Variants in SLC18B1 observed in about 807,000 individuals in gnomAD.
SLC18B1 encodes MFS-type transporter SLC18B1.
Under a neutral mutation model 53.9 loss-of-function variants are expected in SLC18B1, and 62 were observed. That is an observed-to-expected ratio of 1.15 (90% CI 0.94 to 1.42). The LOEUF is 1.42. Among genes scored for constraint, SLC18B1 ranks in the 40% most tolerant of loss-of-function variants. The pLI, the probability that SLC18B1 is intolerant of heterozygous loss-of-function variation, is 0.00. For missense variants in SLC18B1, 598 were observed against 547.3 expected (o/e 1.09, Z -0.93); for synonymous variants, 217 against 200.9 (o/e 1.08, Z -0.68).
chr6:132,792,920 A>C (rs974512479), intron 2 of SLC18B1, among the ~76,000 whole-genome samples: 1 of 152,180 alleles, frequency 6.6e-6, no homozygotes, highest in African/African-American at 2.4e-5. Context: ...GGAGTTCGAG[A>C]CCAGCCTGGC....
chr6:132,780,697 G>A (rs1255666568), intron 6 of SLC18B1, among the ~76,000 whole-genome samples: 1 of 151,126 alleles, frequency 6.6e-6, no homozygotes, highest in Non-Finnish European at 1.5e-5. Context: ...GAGTAGCTGG[G>A]ATTACAGGCA....
intron 5 of SLC18B1, 122 bp downstream of exon 5, chr6:132,787,312 A>T (rs1405538398): frequency 3.1e-6 from 3 of 959,670 alleles, no homozygotes; most frequent in Non-Finnish European, 4.3e-6. Context: ...GGTGAAAGGC[A>T]ACAATAATAC....
intron 6 of SLC18B1, among the ~76,000 whole-genome samples, chr6:132,782,253 T>C (rs1781258031): frequency 6.6e-6 from 1 of 151,780 alleles, no homozygotes; most frequent in Non-Finnish European, 1.5e-5. Context: ...TCACATTTCA[T>C]GGATTTATGA....
chr6:132,771,704 C>T (rs1780978262), intron 11 of SLC18B1, among the ~76,000 whole-genome samples: 1 of 152,202 alleles, frequency 6.6e-6, no homozygotes, highest in Non-Finnish European at 1.5e-5. Flanking sequence ...AACTGTTTGT[C>T]TTTGAGAAAC....
rs1455123558 is a variant in SLC18B1 at position 132,798,504 on chromosome 6, T to G, written c.-48A>C. 2.1e-6 allele frequency: 3 copies of G among 1,428,994 alleles called. No homozygotes were observed. Among genetic ancestry groups the G allele is most frequent in the African/African-American group, 2.9e-5 (2 of 68,164 alleles). 88.5% of individuals were successfully genotyped at this position (1,428,994 alleles called of 1,614,324 possible). Reference sequence around the variant, plus strand: ...CCCCAGCTCCCGGCTTCAAGCCACGTCCTTGGACTCGACCTCCAAGGAGCC... The same window carrying G: ...CCCCAGCTCCCGGCTTCAAGCCACGGCCTTGGACTCGACCTCCAAGGAGCC... On this transcript the variant is annotated 5_prime_UTR_variant, in exon 1 of 14. Coordinates refer to ENST00000275227, the MANE Select transcript of SLC18B1 (RefSeq NM_052831.3).
intron 2 of SLC18B1, among the ~76,000 whole-genome samples, chr6:132,791,228 A>C (rs750559697): frequency 5.9e-5 from 9 of 152,220 alleles, no homozygotes; most frequent in Non-Finnish European, 1.3e-4. Context: ...TTGTACCAGC[A>C]GTGAATATTT....
chr6:132,782,601 A>C (rs1192318000), intron 6 of SLC18B1, among the ~76,000 whole-genome samples: 2 of 152,102 alleles, frequency 1.3e-5, no homozygotes, highest in African/African-American at 4.8e-5. Flanking sequence ...CTTGGTGAGC[A>C]GATATAATGA....
Position 132,769,539 on chromosome 6 carries a change from T to C in SLC18B1, c.*731A>G. On this transcript the variant is annotated 3_prime_UTR_variant, in exon 14 of 14. Transcript: ENST00000275227. Reference sequence around the variant, plus strand: ...TAGATAAAAACAAAAACAAAACAGATGGTAGAGCCAAAAAACAGAGACATT... The same window carrying C: ...TAGATAAAAACAAAAACAAAACAGACGGTAGAGCCAAAAAACAGAGACATT... The C allele has an allele frequency of 6.6e-6, 1 of 152,036 alleles. No homozygotes were observed. Among genetic ancestry groups the C allele is most frequent in the East Asian group, 1.9e-4 (1 of 5,188 alleles). 9.4% of individuals were successfully genotyped at this position (152,036 alleles called of 1,614,324 possible).
intron 13 of SLC18B1, among the ~76,000 whole-genome samples, 184 bp downstream of exon 13, chr6:132,770,706 A>T (rs1045970275): frequency 1.3e-5 from 2 of 152,220 alleles, no homozygotes; most frequent in Non-Finnish European, 2.9e-5. Flanking sequence ...ACTGCATGCC[A>T]GTCTGGGTGA....
At chr6:132,792,261 A>AGAGAGAGAGAGAGAGAG (rs1562271322) in intron 2 of SLC18B1, among the ~76,000 whole-genome samples, 3 of 40,436 alleles carry the variant, frequency 7.4e-5, no homozygotes, top group Non-Finnish European at 9.2e-5. Context: ...GAAAGAAAGA[A>AGAGAGAGAGAGAGAGAG]AGAAAGAAAG....
chr6:132,790,102 TC>T, intron 3 of SLC18B1, 74 bp downstream of exon 3: 1 of 1,110,076 alleles, frequency 9.0e-7, no homozygotes, highest in South Asian at 1.5e-5. Context: ...CAATGCAAAT[TC>T]TAGACTAGTA....
At chr6:132,796,680 T>G (rs1781698970) in intron 2 of SLC18B1, among the ~76,000 whole-genome samples, 1 of 152,162 alleles carries the variant, frequency 6.6e-6, no homozygotes, top group South Asian at 2.1e-4. Context: ...AGTGCACTCC[T>G]TTGTTTCAGT....
chr6:132,791,414 A>C (rs1323694084), intron 2 of SLC18B1, among the ~76,000 whole-genome samples: 1 of 152,012 alleles, frequency 6.6e-6, no homozygotes, highest in Non-Finnish European at 1.5e-5. Flanking sequence ...GATGATAAAA[A>C]TTTTCTCCAT....
chr6:132,774,064 G>A (rs1382089526), intron 9 of SLC18B1, among the ~76,000 whole-genome samples, 158 bp downstream of exon 9: 2 of 151,702 alleles, frequency 1.3e-5, no homozygotes, highest in Non-Finnish European at 2.9e-5. Context: ...CTTCTAGTAG[G>A]GTAAAATATT....
chr6:132,797,134 C>T lies in SLC18B1; in HGVS notation c.44-13G>A, dbSNP rs772755246. ...GCAGGATCATCACCTTGAATGCAAACATGCAGCAATTAGGCATATAATTGA... is the reference window on the plus strand; with the variant it reads ...GCAGGATCATCACCTTGAATGCAAATATGCAGCAATTAGGCATATAATTGA... On this transcript the variant is annotated splice_polypyrimidine_tract_variant and intron_variant, in intron 1 of 13. Coordinates refer to ENST00000275227, the MANE Select transcript of SLC18B1 (RefSeq NM_052831.3). 19 of 1,612,352 alleles carry T rather than the reference C, an allele frequency of 1.2e-5. No individual in the cohort carries two copies. The highest frequency in any genetic ancestry group is 1.4e-5 in the Non-Finnish European group (16 of 1,179,554).
rs1781758174 is a variant in SLC18B1, at chr6:132,798,505, C to T, written c.-49G>A. Reference sequence around the variant, plus strand: ...CCCAGCTCCCGGCTTCAAGCCACGTCCTTGGACTCGACCTCCAAGGAGCCA... The same window carrying T: ...CCCAGCTCCCGGCTTCAAGCCACGTTCTTGGACTCGACCTCCAAGGAGCCA... On this transcript the variant is annotated 5_prime_UTR_variant, in exon 1 of 14. Transcript: ENST00000275227. 17 of 1,429,262 alleles carry T rather than the reference C, an allele frequency of 1.2e-5. No homozygotes were observed. Among genetic ancestry groups the T allele is most frequent in the Non-Finnish European group, 1.6e-5 (17 of 1,084,112 alleles). The allele number at this position is 1,429,262 out of a possible 1,614,324, so 88.5% of individuals were successfully genotyped here.
intron 2 of SLC18B1, 108 bp from the exon 3 acceptor site, chr6:132,790,380 A>G (rs1781492540): frequency 1.5e-6 from 1 of 674,796 alleles, no homozygotes; most frequent in East Asian, 3.0e-5. Flanking sequence ...TTATCTGTAT[A>G]TCAGTTTCAA....
Position 132,787,600 on chromosome 6 carries a change from A to G in SLC18B1, c.354-19T>C. On this transcript the variant is annotated intron_variant, in intron 4 of 13. Transcript: ENST00000275227. ...CAATACACTAAAAAGGAATAAGACA[A>G]TTCTGAAATGCCAAGCTGGTTTTCT... is the stretch of plus-strand genomic sequence containing the variant. 1.3e-6 allele frequency: 2 copies of G among 1,508,242 alleles called. No individual in the cohort carries two copies. Among genetic ancestry groups the G allele is most frequent in the East Asian group, 2.5e-5 (1 of 40,282 alleles). The allele number at this position is 1,508,242 out of a possible 1,614,324, so 93.4% of individuals were successfully genotyped here.
intron 2 of SLC18B1, among the ~76,000 whole-genome samples, chr6:132,792,233 A>AAGAAAGAG (rs1562271230): frequency 1.4e-3 from 4 of 2,816 alleles, no homozygotes; most frequent in Non-Finnish European, 3.1e-3. Context: ...GTCAGAAAGA[A>AAGAAAGAG]AGAAAGAAAG....
Sources: gnomAD v4.1 joint callset for allele counts (sites outside exome capture counted in the v4.1 genomes callset) on GRCh38, gnomAD v4.1.1 for gene constraint, MANE v1.5 for transcripts, NCBI Gene and HGNC (gene_info 2026-07-23, HGNC 2026-07-21) for gene names.